Variants in ACSM4 observed in about 807,000 individuals in gnomAD.
ACSM4 encodes acyl-CoA synthetase medium chain family member 4, also known as acyl-coenzyme A synthetase ACSM4, mitochondrial.
ACSM4 carries 66 observed loss-of-function variants against 73.0 expected under a neutral mutation model. The observed-to-expected ratio is 0.90, with a 90% CI of 0.74 to 1.11. The LOEUF is 1.11. Among genes scored for constraint, ACSM4 ranks in the 50% least tolerant of loss-of-function variants. The pLI is 0.00. For missense variants in ACSM4, 645 were observed against 714.4 expected, an observed-to-expected ratio of 0.90 and a Z score of 1.11; for synonymous variants, 222 against 254.0, an observed-to-expected ratio of 0.87 and a Z score of 1.20.
intron 2 of ACSM4, among the ~76,000 whole-genome samples, chr12:7,307,551 T>A (rs1946368885): frequency 6.6e-6 from 1 of 152,104 alleles, no homozygotes; most frequent in Admixed American, 6.5e-5. Flanking sequence ...AGTTGAAAAA[T>A]CTCTACCTTT....
intron 2 of ACSM4, among the ~76,000 whole-genome samples, chr12:7,307,255 AAAACAAAC>A (rs942615810): frequency 6.6e-6 from 1 of 152,302 alleles, no homozygotes; most frequent in South Asian, 2.1e-4. Flanking sequence ...CTCTGTCTCA[AAAACAAAC>A]AAACAAACAA....
intron 5 of ACSM4, 122 bp downstream of exon 5, chr12:7,318,304 CA>C: frequency 7.6e-7 from 1 of 1,314,686 alleles, no homozygotes; most frequent in Non-Finnish European, 1.0e-6. Context: ...TTTCTTTATA[CA>C]AAGCAAAGTC....
chr12:7,312,848 G>A (rs959030414), intron 3 of ACSM4, among the ~76,000 whole-genome samples: 11 of 152,090 alleles, frequency 7.2e-5, no homozygotes, highest in South Asian at 2.1e-4. Context: ...TCATTCAATA[G>A]TGTAGTGATT....
In ACSM4 at chr12:7,318,064, A is replaced by G. The variant is rs747369989; in HGVS notation, c.803A>G (p.Asn268Ser). ...TTGAAGTCCTCAGATATCATATGGAATATGTCTGACACGGGCTGGGTCAAG... is the reference window on the plus strand; with the variant it reads ...TTGAAGTCCTCAGATATCATATGGAGTATGTCTGACACGGGCTGGGTCAAG... ...LDLKSSDIIW[N>S]MSDTGWVKAA... The change falls in exon 5 of 13, where the codon AAT becomes AGT. Residue 268 changes from asparagine (N) to serine (S), a missense_variant. Physicochemically the swap from Asn to Ser is conservative, Grantham distance 46. Transcript: ENST00000399422. 6.2e-7 allele frequency: 1 copy of G among 1,613,634 alleles called. No individual in the cohort carries two copies. Among genetic ancestry groups the G allele is most frequent in the Non-Finnish European group, 8.5e-7 (1 of 1,179,816 alleles).
intron 3 of ACSM4, among the ~76,000 whole-genome samples, chr12:7,311,814 T>G (rs1466996966): frequency 6.6e-6 from 1 of 152,056 alleles, no homozygotes; most frequent in Non-Finnish European, 1.5e-5. Flanking sequence ...CTGAGCCTCC[T>G]GAGTAGCTGG....
intron 2 of ACSM4, 27 bp downstream of exon 2, chr12:7,306,770 T>C: frequency 6.4e-7 from 1 of 1,570,116 alleles, no homozygotes; most frequent in African/African-American, 1.4e-5. Context: ...GCATTCTAAA[T>C]CACACAAACA....
intron 1 of ACSM4, 28 bp downstream of exon 1, chr12:7,304,560 G>A (rs755654308): frequency 2.4e-5 from 39 of 1,594,292 alleles, no homozygotes; most frequent in Admixed American, 3.3e-5. Context: ...TCCAGTAGAT[G>A]CTTGGTGTCC....
chr12:7,314,600 G>C (rs1232834560), intron 3 of ACSM4, among the ~76,000 whole-genome samples: 1 of 151,614 alleles, frequency 6.6e-6, no homozygotes, highest in African/African-American at 2.4e-5. Flanking sequence ...TAGGTAGGTA[G>C]ATAGATGATA....
rs373621952 is a variant in ACSM4 at position 7,317,196 on chromosome 12, A to G, written c.680A>G (p.Tyr227Cys). ...GGAAGTCAAGAACCAATGACCATTT[A>G]TTTCACCAGTGGGACCACAGGCTTT... Reference protein sequence around the residue: ...ETGSQEPMTIYFTSGTTGFPK... With the variant: ...ETGSQEPMTICFTSGTTGFPK... Residue 227 changes from tyrosine to cysteine, a missense_variant, in exon 4 of 13, where the codon TAT becomes TGT. Tyr to Cys is a radical substitution (Grantham distance 194, BLOSUM62 -2). Transcript: ENST00000399422. 21 of 1,612,414 alleles carry G rather than the reference A, an allele frequency of 1.3e-5. No individual in the cohort carries two copies. Among genetic ancestry groups the G allele is most frequent in the Non-Finnish European group, 1.5e-5 (18 of 1,179,412 alleles).
chr12:7,315,012 A>G (rs1395809347), intron 3 of ACSM4, among the ~76,000 whole-genome samples: 2 of 152,106 alleles, frequency 1.3e-5, no homozygotes, highest in African/African-American at 2.4e-5. Context: ...TCTGGCTGAC[A>G]TGGTGAAACC....
At chr12:7,327,181 TA>T in intron 12 of ACSM4, 86 bp downstream of exon 12, 1 of 1,412,624 alleles carries the variant, frequency 7.1e-7, no homozygotes, top group Non-Finnish European at 9.4e-7. Flanking sequence ...TTTGATTTTA[TA>T]GTAGCTCATT....
intron 1 of ACSM4, 46 bp from the exon 2 acceptor site, chr12:7,306,487 C>A: frequency 2.0e-6 from 3 of 1,510,772 alleles, no homozygotes; most frequent in South Asian, 1.2e-5. Context: ...TAAGAGTAAT[C>A]AGTCATGTAA....
In ACSM4 at chr12:7,323,349, G is replaced by A. The variant is rs76633157; in HGVS notation, c.1206+35G>A. 6.4e-4 allele frequency: 1,028 copies of A among 1,600,842 alleles called. 8 individuals carry two copies. The African/African-American group carries it at 9.9e-3, about 15-fold the overall frequency. The stretch of plus-strand genomic sequence containing the variant: ...GAAAATATCTGACTGGTTCAGTAAA[G>A]GAGAGAGAACGTTTTCCTTTTCTGC... On this transcript the variant is annotated intron_variant, in intron 8 of 12. Coordinates refer to ENST00000399422, the MANE Select transcript of ACSM4 (RefSeq NM_001080454.2).
At chr12:7,306,415 G>A in intron 1 of ACSM4, 118 bp from the exon 2 acceptor site, 1 of 925,482 alleles carries the variant, frequency 1.1e-6, no homozygotes, top group Non-Finnish European at 1.7e-6. Flanking sequence ...ACGAACTCAG[G>A]GCGCTGTTAG....
intron 11 of ACSM4, among the ~76,000 whole-genome samples, chr12:7,326,775 T>C (rs1415892843): frequency 6.6e-6 from 1 of 152,210 alleles, no homozygotes; most frequent in Non-Finnish European, 1.5e-5. Context: ...CTCACACTCA[T>C]AAACCACTTA....
intron 6 of ACSM4, among the ~76,000 whole-genome samples, chr12:7,321,798 A>G (rs1946465739): frequency 6.6e-6 from 1 of 152,218 alleles, no homozygotes; most frequent in Admixed American, 6.5e-5. Flanking sequence ...TTGGACACTC[A>G]AGATAACCTT....
At chr12:7,315,304 A>G (rs1222839723) in intron 3 of ACSM4, among the ~76,000 whole-genome samples, 1 of 152,092 alleles carries the variant, frequency 6.6e-6, no homozygotes, top group Non-Finnish European at 1.5e-5. Context: ...CCCTTCAACC[A>G]GAGAAATTAA....
intron 3 of ACSM4, 144 bp downstream of exon 3, chr12:7,310,890 G>A (rs967809535): frequency 1.8e-5 from 16 of 902,600 alleles, no homozygotes; most frequent in Non-Finnish European, 2.3e-5. Flanking sequence ...TAATAGCTGG[G>A]TGCGCTGGCT....
In ACSM4 at chr12:7,320,652, G is replaced by A. The variant is rs1400190326; in HGVS notation, c.922-73G>A. On this transcript the variant is annotated intron_variant, in intron 5 of 12. Transcript: ENST00000399422. Reference sequence around the variant, plus strand: ...ACATATTAATGGAAGAAAATAACAGGGTGTAGATATCAGCTCTAGTCATGG... The same window carrying A: ...ACATATTAATGGAAGAAAATAACAGAGTGTAGATATCAGCTCTAGTCATGG... The A allele has an allele frequency of 2.4e-6, 3 of 1,247,694 alleles. No individual in the cohort carries two copies. The East Asian group carries it at 7.1e-5, about 30-fold the overall frequency. 77.3% of individuals were successfully genotyped at this position (1,247,694 alleles called of 1,614,324 possible).
Sources: gnomAD v4.1 joint callset for allele counts (sites outside exome capture counted in the v4.1 genomes callset) on GRCh38, gnomAD v4.1.1 for gene constraint, MANE v1.5 for transcripts, NCBI Gene and HGNC (gene_info 2026-07-23, HGNC 2026-07-21) for gene names.